Variants in SFMBT2 observed in about 807,000 individuals in gnomAD.
SFMBT2 encodes scm-like with four MBT domains protein 2.
SFMBT2 carries 38 observed loss-of-function variants against 110.1 expected under a neutral mutation model. That is an observed-to-expected ratio of 0.35 (90% CI 0.27 to 0.45). The LOEUF (loss-of-function observed/expected upper bound fraction) is 0.45. SFMBT2 is among the 20% of genes least tolerant of loss of function. SFMBT2 has a pLI of 1.00. For missense variants in SFMBT2, 1,011 were observed against 1,094.9 expected (o/e 0.92, Z 1.08); for synonymous variants, 425 against 425.4 (o/e 1.00, Z 0.01).
chr10:7,304,054 G>T lies in SFMBT2; in HGVS notation c.437-18100C>A, dbSNP rs545362421. 3.3e-5 allele frequency among the ~76,000 whole-genome samples: 5 copies of T among 152,290 alleles called. No homozygotes were observed. The South Asian group carries it at 1.0e-3, about 32-fold the overall frequency. On this transcript the variant is annotated intron_variant, in intron 4 of 20. Coordinates refer to ENST00000397167, the MANE Select transcript of SFMBT2 (RefSeq NM_001387889.1). ...TGGGCGAGGTGGGCCACGGAGATGGGTCTTCAGCACAGGGAGCAGAGAAAC... is the reference window on the plus strand; with the variant it reads ...TGGGCGAGGTGGGCCACGGAGATGGTTCTTCAGCACAGGGAGCAGAGAAAC...
rs188200907 is a variant in SFMBT2 at position 7,222,571 on chromosome 10, G to A, written c.1204-2034C>T. Among the ~76,000 whole-genome samples, 8 of 152,248 alleles carry A rather than the reference G, an allele frequency of 5.3e-5. No homozygotes were observed. In the East Asian group the frequency reaches 1.2e-3, roughly 22 times the overall value. The stretch of plus-strand genomic sequence containing the variant: ...GTTTCTACTTTCAGCATGCTTTACG[G>A]CTGTTAATTACCTAACACAAACAGC... On this transcript the variant is annotated intron_variant, in intron 10 of 20. Coordinates refer to ENST00000397167, the MANE Select transcript of SFMBT2 (RefSeq NM_001387889.1).
intron 8 of SFMBT2, among the ~76,000 whole-genome samples, chr10:7,245,539 T>G (rs990777745): frequency 1.3e-5 from 2 of 152,242 alleles, no homozygotes; most frequent in Non-Finnish European, 2.9e-5. Context: ...CACTGTTTTG[T>G]GCTCTATCCA....
chr10:7,290,162 ACT>A (rs1842220642), intron 4 of SFMBT2, among the ~76,000 whole-genome samples: 2 of 151,858 alleles, frequency 1.3e-5, no homozygotes, highest in South Asian at 2.1e-4. Flanking sequence ...GGAGAAAAAC[ACT>A]CTGCAATTTC....
intron 2 of SFMBT2, among the ~76,000 whole-genome samples, chr10:7,375,771 AC>A (rs1845187357): frequency 6.6e-6 from 1 of 150,652 alleles, no homozygotes; most frequent in Non-Finnish European, 1.5e-5. Context: ...ACACACACAC[AC>A]ACACACACAC....
At chr10:7,382,627 G>C (rs1328339416) in intron 1 of SFMBT2, among the ~76,000 whole-genome samples, 2 of 151,550 alleles carry the variant, frequency 1.3e-5, no homozygotes, top group African/African-American at 4.9e-5. Context: ...CTATGTAGCA[G>C]CAACCTCCAC....
chr10:7,163,168 A>G lies in SFMBT2; in HGVS notation c.*602T>C. The G allele has an allele frequency of 6.1e-6, 1 of 164,804 alleles. No individual in the cohort carries two copies. Among genetic ancestry groups the G allele is most frequent in the Non-Finnish European group, 1.3e-5 (1 of 76,294 alleles). 10.2% of individuals were successfully genotyped at this position (164,804 alleles called of 1,614,324 possible). On this transcript the variant is annotated 3_prime_UTR_variant, in exon 21 of 21. Transcript: ENST00000397167. This position sits in a 1 kb window ranked among gnomAD's most constrained non-coding sequence, Gnocchi z 4.8. ...AAACAAACCATCTAGTTGCATGGAG[A>G]TGCCTGCCGGCCTTCCTTCACTCCC...
rs778676733 is a variant in SFMBT2, at chr10:7,188,691, C to T, written c.1741G>A (p.Val581Ile). 7 of 1,613,626 alleles carry T rather than the reference C, an allele frequency of 4.3e-6. No homozygotes were observed. The South Asian group carries it at 7.7e-5, about 18-fold the overall frequency. ...TCTACCAGCTGTAATTCTCTTAATA[C>T]CCTTCCAGGCTTGTAGGCTGCGTTG... ...IINAAYKPGR[V>I]LRELQLVEDP... Residue 581 changes from valine (V) to isoleucine (I), a missense_variant, in exon 16 of 21, where the codon GTA becomes ATA. Physicochemically the swap from Val to Ile is conservative, Grantham distance 29. Coordinates refer to ENST00000397167, the MANE Select transcript of SFMBT2 (RefSeq NM_001387889.1).
At chr10:7,256,242 A>G (rs1841003750) in intron 7 of SFMBT2, among the ~76,000 whole-genome samples, 1 of 152,232 alleles carries the variant, frequency 6.6e-6, no homozygotes, top group African/African-American at 2.4e-5. Context: ...ACCAGGTTAT[A>G]TAACAGACCA....
intron 1 of SFMBT2, among the ~76,000 whole-genome samples, chr10:7,405,838 G>A (rs2249082): frequency 3.0e-5 from 4 of 133,262 alleles, no homozygotes; most frequent in Admixed American, 7.8e-5. Context: ...CCCGACCCCC[G>A]CTCTCTCTGT....
At chr10:7,310,009 TA>T (rs1842805892) in intron 4 of SFMBT2, among the ~76,000 whole-genome samples, 1 of 152,176 alleles carries the variant, frequency 6.6e-6, no homozygotes, top group South Asian at 2.1e-4. Context: ...TGCAGATGTT[TA>T]GCAGTACCCC....
At chr10:7,334,602 C>T (rs981905693) in intron 4 of SFMBT2, among the ~76,000 whole-genome samples, 1 of 152,130 alleles carries the variant, frequency 6.6e-6, no homozygotes, top group African/African-American at 2.4e-5. Context: ...TCATTAAAAG[C>T]GGGACCTGTC....
intron 2 of SFMBT2, among the ~76,000 whole-genome samples, chr10:7,375,321 T>C (rs1845170450): frequency 6.6e-6 from 1 of 152,044 alleles, no homozygotes. Context: ...AAATCTTGGG[T>C]TTGTACAATT....
At chr10:7,206,875 T>A in intron 11 of SFMBT2, 1 of 985,264 alleles carries the variant, frequency 1.0e-6, no homozygotes, top group Non-Finnish European at 1.2e-6. Context: ...CGGTGACCCA[T>A]GGACTCTGAC....
chr10:7,307,681 G>T (rs2131894559), intron 4 of SFMBT2, among the ~76,000 whole-genome samples: 1 of 152,256 alleles, frequency 6.6e-6, no homozygotes, highest in South Asian at 2.1e-4. Context: ...AATTCCAGTT[G>T]AACTAAGGAC....
At chr10:7,332,353 C>G (rs1210459270) in intron 4 of SFMBT2, among the ~76,000 whole-genome samples, 1 of 152,144 alleles carries the variant, frequency 6.6e-6, no homozygotes, top group Non-Finnish European at 1.5e-5. Flanking sequence ...ACAGGGCTCA[C>G]CCAAGGCTTG....
intron 15 of SFMBT2, among the ~76,000 whole-genome samples, chr10:7,190,716 G>C (rs1369363754): frequency 6.6e-6 from 1 of 152,220 alleles, no homozygotes; most frequent in African/African-American, 2.4e-5. Flanking sequence ...CTGGAGTTCA[G>C]TTCATTATGT....
intron 4 of SFMBT2, among the ~76,000 whole-genome samples, chr10:7,298,524 A>T (rs1436780528): frequency 1.3e-5 from 2 of 152,186 alleles, no homozygotes; most frequent in African/African-American, 2.4e-5. Context: ...TTAACTCATC[A>T]ACAGGTCTGG....
chr10:7,392,543 C>T (rs921522145), intron 1 of SFMBT2, among the ~76,000 whole-genome samples: 5 of 152,092 alleles, frequency 3.3e-5, no homozygotes, highest in Non-Finnish European at 5.9e-5. Flanking sequence ...TATCCTGCCA[C>T]TGTAATTTGT....
At position 7,159,660 on chromosome 10, in the gene SFMBT2, T is replaced by C. The variant is rs1323818384; in HGVS notation, c.*4110A>G. On this transcript the variant is annotated 3_prime_UTR_variant, in exon 21 of 21. Transcript: ENST00000397167. ...ATAATTGCACGCACGATCACAGCTT[T>C]CTAAAGACAGAAGAGAGAGGAAGTG... The C allele has an allele frequency of 2.0e-5, 3 of 152,206 alleles. No homozygotes were observed. Among genetic ancestry groups the C allele is most frequent in the Non-Finnish European group, 4.4e-5 (3 of 68,030 alleles). The allele number at this position is 152,206 out of a possible 1,614,324, so 9.4% of individuals were successfully genotyped here.
Sources: gnomAD v4.1 joint callset for allele counts (sites outside exome capture counted in the v4.1 genomes callset) on GRCh38, gnomAD v4.1.1 for gene constraint, Gnocchi (gnomAD v3.1) non-coding constraint, MANE v1.5 for transcripts, NCBI Gene and HGNC (gene_info 2026-07-23, HGNC 2026-07-21) for gene names.